Variants in RPTOR observed in about 807,000 individuals in gnomAD.
RPTOR encodes regulatory associated protein of MTOR complex 1.
In RPTOR, 21 loss-of-function variants were observed where a neutral mutation model predicts 169.9. That is an observed-to-expected ratio of 0.12 (90% CI 0.09 to 0.18). The LOEUF (loss-of-function observed/expected upper bound fraction) is 0.18, where lower values mean the gene tolerates loss of function less well. Ranked by LOEUF, RPTOR falls within the 10% of genes least tolerant of loss-of-function variation. The probability of loss-of-function intolerance (pLI) is 1.00; values close to 1 mark genes in which losing one functional copy is unlikely to be tolerated. For missense variants in RPTOR, 1,133 were observed against 1,855.9 expected, an observed-to-expected ratio of 0.61 and a Z score of 7.16; for synonymous variants, 732 against 753.2, an observed-to-expected ratio of 0.97 and a Z score of 0.46.
At chr17:80,628,937 C>A (rs956123685) in intron 2 of RPTOR, among the ~76,000 whole-genome samples, 1 of 151,846 alleles carries the variant, frequency 6.6e-6, no homozygotes, top group African/African-American at 2.4e-5. Flanking sequence ...GACATTGTAC[C>A]GCAGCTCTTC....
chr17:80,690,641 GCTC>G (rs1347736921), intron 3 of RPTOR, among the ~76,000 whole-genome samples: 1 of 144,436 alleles, frequency 6.9e-6, no homozygotes, highest in Non-Finnish European at 1.5e-5. Flanking sequence ...ACACAGCCGG[GCTC>G]CCCTAGATTC....
rs1382897236 is a variant in RPTOR at position 80,823,215 on chromosome 17, C to T, written c.1128C>T (p.His376=). 6 of 1,613,970 alleles carry T rather than the reference C, an allele frequency of 3.7e-6. No homozygotes were observed. Among genetic ancestry groups the T allele is most frequent in the Non-Finnish European group, 4.2e-6 (5 of 1,179,900 alleles). Residue 376 remains histidine, a synonymous_variant, in exon 9 of 34, where the codon CAC becomes CAT. Transcript: ENST00000306801. The surrounding 1 kb of genome is among the most constrained non-coding windows in gnomAD (Gnocchi z 4.5). ...SSPRLPPTYM[H]AMWQAWDLAV... is the part of the protein sequence containing the mutation. ...CGCGTCTGCCGCCCACGTACATGCA[C>T]GCCATGTGGTGAGTGTTTCAGGATC... is the stretch of plus-strand genomic sequence containing the variant.
At chr17:80,621,605 C>T (rs374820283) in intron 1 of RPTOR, among the ~76,000 whole-genome samples, 2 of 152,232 alleles carry the variant, frequency 1.3e-5, no homozygotes, top group African/African-American at 4.8e-5. Context: ...GCAGCCGCCC[C>T]TTACTCCCTG....
At position 80,880,479 on chromosome 17, in the gene RPTOR, C is replaced by T. The variant is rs756025816; in HGVS notation, c.1574C>T (p.Pro525Leu). Residue 525 changes from proline (P) to leucine (L), a missense_variant, in exon 14 of 34, where the codon CCC becomes CTC. Transcript: ENST00000306801. ...TACTTCCTGTCGGTCCTGGCGGACCCCTACATGCCAGTAAGGACGGGGCAG... is the reference window on the plus strand; with the variant it reads ...TACTTCCTGTCGGTCCTGGCGGACCTCTACATGCCAGTAAGGACGGGGCAG... The part of the protein sequence containing the change: ...HKYFLSVLAD[P>L]YMPAEHRTMT... 2 of 1,613,600 alleles carry T rather than the reference C, an allele frequency of 1.2e-6. No individual in the cohort carries two copies. The highest frequency in any genetic ancestry group is 1.1e-5 in the South Asian group (1 of 91,076).
rs536728489 is a variant in RPTOR at position 80,721,096 on chromosome 17, C to T, written c.508-9464C>T. Among the ~76,000 whole-genome samples the T allele has an allele frequency of 2.0e-5, 3 of 150,964 alleles. No individual in the cohort carries two copies. Among genetic ancestry groups the T allele is most frequent in the African/African-American group, 7.4e-5 (3 of 40,384 alleles). On this transcript the variant is annotated intron_variant, in intron 4 of 33. Coordinates refer to ENST00000306801, the MANE Select transcript of RPTOR (RefSeq NM_020761.3). The surrounding 1 kb of genome is among the most constrained non-coding windows in gnomAD (Gnocchi z 4.7). Reference sequence around the variant, plus strand: ...GGAGGTGAGGAGGGGCTACGTCTGCCGGGTCTCCAAGCAGGAGTGAGAACC... The same window carrying T: ...GGAGGTGAGGAGGGGCTACGTCTGCTGGGTCTCCAAGCAGGAGTGAGAACC...
At chr17:80,911,154 T>C (rs1355644250) in intron 21 of RPTOR, among the ~76,000 whole-genome samples, 3 of 152,182 alleles carry the variant, frequency 2.0e-5, no homozygotes, top group African/African-American at 4.8e-5. Context: ...ATCACCGGTA[T>C]AGTCACAAGT....
Position 80,653,723 on chromosome 17 carries a change from C to T in RPTOR, c.348+9913C>T, listed in dbSNP as rs184875256. Among the ~76,000 whole-genome samples the T allele has an allele frequency of 2.8e-3, 419 of 152,336 alleles. 1 individual carries two copies. Among genetic ancestry groups the T allele is most frequent in the African/African-American group, 7.0e-3 (289 of 41,580 alleles). ...GTCTCTGCTCCCCACTCAGCAGTTA[C>T]GCTGCAGGACGTTCCTTCCCCTCCC... On this transcript the variant is annotated intron_variant, in intron 3 of 33. Coordinates refer to ENST00000306801, the MANE Select transcript of RPTOR (RefSeq NM_020761.3).
intron 3 of RPTOR, among the ~76,000 whole-genome samples, chr17:80,669,725 C>T (rs1317111497): frequency 2.0e-5 from 3 of 152,252 alleles, no homozygotes; most frequent in Admixed American, 6.5e-5. Context: ...TTCTCCCCTG[C>T]GCTCTGGTGA....
chr17:80,616,621 G>T (rs1213337392), intron 1 of RPTOR, among the ~76,000 whole-genome samples: 2 of 152,132 alleles, frequency 1.3e-5, no homozygotes, highest in African/African-American at 4.8e-5. Context: ...CTTGTTCCAT[G>T]AAATAAATTT....
At chr17:80,620,328 T>C (rs892823623) in intron 1 of RPTOR, among the ~76,000 whole-genome samples, 2 of 152,238 alleles carry the variant, frequency 1.3e-5, no homozygotes, top group African/African-American at 4.8e-5. Flanking sequence ...TTTGGCACAT[T>C]AAATTTGATA....
chr17:80,938,867 A>G (rs1019003831), intron 24 of RPTOR, among the ~76,000 whole-genome samples: 9 of 152,350 alleles, frequency 5.9e-5, no homozygotes, highest in African/African-American at 9.6e-5. Context: ...AGGAAGAGAC[A>G]CAAAGAATGC....
At chr17:80,809,471 G>A (rs1473268068) in intron 7 of RPTOR, among the ~76,000 whole-genome samples, 3 of 152,216 alleles carry the variant, frequency 2.0e-5, no homozygotes, top group South Asian at 2.1e-4. Flanking sequence ...GATTACAGGC[G>A]TGAGCTACCG....
intron 4 of RPTOR, among the ~76,000 whole-genome samples, chr17:80,725,111 C>T (rs941904670): frequency 6.6e-6 from 1 of 152,210 alleles, no homozygotes; most frequent in Non-Finnish European, 1.5e-5. Context: ...CACCAGAAAT[C>T]CCTGAGATGT....
In RPTOR at chr17:80,823,052, T is replaced by A. The variant is rs2143617851; in HGVS notation, c.992-27T>A. 1 of 1,608,966 alleles carries A rather than the reference T, an allele frequency of 6.2e-7. No homozygotes were observed. The highest frequency in any genetic ancestry group is 1.1e-5 in the South Asian group (1 of 90,278). On this transcript the variant is annotated intron_variant, in intron 8 of 33. Transcript: ENST00000306801. This position sits in a 1 kb window ranked among gnomAD's most constrained non-coding sequence, Gnocchi z 4.5. ...ATGCTAGACACAAGTCACTGTAGAC[T>A]CCTTTTTATCTTTTATCTGCCCTCA...
intron 25 of RPTOR, chr17:80,942,069 C>T (rs1458497219): frequency 2.0e-5 from 3 of 152,188 alleles, no homozygotes; most frequent in Admixed American, 1.3e-4. Context: ...TGCGTGCTGC[C>T]CCGGCGGCCG....
chr17:80,832,211 G>T (rs775266612), intron 9 of RPTOR, among the ~76,000 whole-genome samples: 6 of 152,226 alleles, frequency 3.9e-5, no homozygotes, highest in Non-Finnish European at 8.8e-5. Flanking sequence ...TGATCCAGGG[G>T]CTTTACAAAT....
rs921816012 is a variant in RPTOR, at chr17:80,810,309, C to T, written c.891-11892C>T. On this transcript the variant is annotated intron_variant, in intron 7 of 33. Coordinates refer to ENST00000306801, the MANE Select transcript of RPTOR (RefSeq NM_020761.3). ...ATGATTAACTTTTAAGTCTGCGATC[C>T]GTTTCAAGTTGTTTTTTAATATAGT... Among the ~76,000 whole-genome samples, 4 of 152,130 alleles carry T rather than the reference C, an allele frequency of 2.6e-5. No homozygotes were observed. In the South Asian group the frequency reaches 6.2e-4, roughly 24 times the overall value.
chr17:80,573,714 C>T (rs369293009), intron 1 of RPTOR, among the ~76,000 whole-genome samples: 1 of 152,154 alleles, frequency 6.6e-6, no homozygotes, highest in African/African-American at 2.4e-5. Context: ...TGCTGGGGAT[C>T]GGATGCAGTT....
chr17:80,880,168 TTGTGAAAGAAAA>T (rs1379677090), intron 13 of RPTOR, among the ~76,000 whole-genome samples: 1 of 152,026 alleles, frequency 6.6e-6, no homozygotes, highest in Non-Finnish European at 1.5e-5. Flanking sequence ...TGCCCGGACG[TTGTGAAAGAAAA>T]CGTCTGGGAG....
Sources: gnomAD v4.1 joint callset for allele counts (sites outside exome capture counted in the v4.1 genomes callset) on GRCh38, gnomAD v4.1.1 for gene constraint, Gnocchi (gnomAD v3.1) non-coding constraint, MANE v1.5 for transcripts, NCBI Gene and HGNC (gene_info 2026-07-23, HGNC 2026-07-21) for gene names.